Variants in PKHD1 observed in about 807,000 individuals in gnomAD.
The protein encoded by PKHD1 is PKHD1 ciliary IPT domain containing fibrocystin/polyductin.
A neutral mutation model predicts 412.0 loss-of-function variants in PKHD1; 291 were observed. That is an observed-to-expected ratio of 0.71 (90% CI 0.64 to 0.78). The LOEUF is 0.78. Among genes scored for constraint, PKHD1 ranks in the 30% least tolerant of loss-of-function variants. The pLI is 0.00. For missense variants in PKHD1, 4,825 were observed against 4,950.7 expected (o/e 0.97, Z 0.76); for synonymous variants, 1,777 against 1,821.5 (o/e 0.98, Z 0.62).
chr6:51,655,931 G>A (rs757498004), intron 61 of PKHD1, among the ~76,000 whole-genome samples: 14 of 152,106 alleles, frequency 9.2e-5, no homozygotes, highest in East Asian at 3.9e-4. Context: ...AGAGTGTGGC[G>A]ATTCCTCAAG....
At chr6:51,715,763 G>A (rs1004859399) in intron 60 of PKHD1, among the ~76,000 whole-genome samples, 6 of 152,172 alleles carry the variant, frequency 3.9e-5, no homozygotes, top group African/African-American at 1.2e-4. Flanking sequence ...GAATGTCACC[G>A]ACACTGATAC....
At chr6:51,707,403 T>C (rs185234258) in intron 60 of PKHD1, among the ~76,000 whole-genome samples, 74 of 152,280 alleles carry the variant, frequency 4.9e-4, no homozygotes, top group Non-Finnish European at 7.5e-4. Context: ...GCTGGCCTCA[T>C]TGGCAAACTC....
Position 51,743,982 on chromosome 6 carries a change from G to C in PKHD1, c.10156+403C>G, listed in dbSNP as rs76154386. ...TGACATCTACCCTACCATTGAGAGA[G>C]CGCTTTAAGTCCTGACAGAAAAGAA... On this transcript the variant is annotated intron_variant, in intron 60 of 66. Transcript: ENST00000371117. 3.7e-4 allele frequency among the ~76,000 whole-genome samples: 57 copies of C among 152,286 alleles called. 1 individual carries two copies. The highest frequency in any genetic ancestry group is 1.3e-3 in the African/African-American group (53 of 41,564).
intron 52 of PKHD1, among the ~76,000 whole-genome samples, chr6:51,814,179 G>A (rs1050085722): frequency 6.6e-6 from 1 of 152,168 alleles, no homozygotes; most frequent in African/African-American, 2.4e-5. Flanking sequence ...AGATGAATAA[G>A]TTAATTTTAG....
intron 60 of PKHD1, among the ~76,000 whole-genome samples, chr6:51,724,211 C>T (rs1451310612): frequency 2.0e-5 from 3 of 152,162 alleles, no homozygotes; most frequent in African/African-American, 7.2e-5. Flanking sequence ...ACTTTCTCCC[C>T]TCACCTTCTT....
chr6:51,885,882 A>G lies in PKHD1; in HGVS notation c.7200T>C (p.Ser2400=). The part of the protein sequence containing the change: ...TLFQSFTVWE[S]AGGAQIFRSS... ...AAAAGCTTACCTGGGCACCACCTGC[A>G]CTTTCCCAAACTGTGAAGCTCTGGA... Residue 2400 remains serine (S), a synonymous_variant, in exon 45 of 67, where the codon AGT becomes AGC. Transcript: ENST00000371117. 6.2e-7 allele frequency: 1 copy of G among 1,610,184 alleles called. No homozygotes were observed.
At chr6:51,893,406 G>T (rs888379626) in intron 43 of PKHD1, among the ~76,000 whole-genome samples, 1 of 152,106 alleles carries the variant, frequency 6.6e-6, no homozygotes, top group Admixed American at 6.5e-5. Flanking sequence ...CTTTCCAAGC[G>T]CATTTATAGG....
chr6:52,055,923 A>G (rs949738767), intron 18 of PKHD1, among the ~76,000 whole-genome samples, 194 bp from the exon 19 acceptor site: 1 of 152,208 alleles, frequency 6.6e-6, no homozygotes, highest in Non-Finnish European at 1.5e-5. Context: ...CTCCCCCAGC[A>G]TCCTTGGTTT....
intron 36 of PKHD1, among the ~76,000 whole-genome samples, chr6:51,936,079 G>A (rs1787431901): frequency 6.6e-6 from 1 of 152,108 alleles, no homozygotes; most frequent in Non-Finnish European, 1.5e-5. Context: ...CTTCCTGAGG[G>A]GAATTATCTG....
intron 34 of PKHD1, among the ~76,000 whole-genome samples, chr6:52,016,918 G>A (rs781071302): frequency 6.6e-6 from 1 of 152,026 alleles, no homozygotes; most frequent in Admixed American, 6.5e-5. Context: ...ATGCTTATAC[G>A]CTTATGGCTT....
chr6:51,819,946 G>A (rs1938654313), intron 52 of PKHD1, among the ~76,000 whole-genome samples: 1 of 152,128 alleles, frequency 6.6e-6, no homozygotes, highest in South Asian at 2.1e-4. Context: ...AAGAAATCCT[G>A]AGTAACATTG....
intron 52 of PKHD1, among the ~76,000 whole-genome samples, chr6:51,805,858 T>C (rs568054962): frequency 3.9e-4 from 59 of 152,324 alleles, no homozygotes; most frequent in African/African-American, 1.3e-3. Flanking sequence ...ATGGTGTATA[T>C]GTGCCACATT....
intron 5 of PKHD1, among the ~76,000 whole-genome samples, chr6:52,078,019 C>A (rs576888634): frequency 7.9e-5 from 12 of 152,236 alleles, no homozygotes; most frequent in African/African-American, 2.9e-4. Flanking sequence ...ACAACTGAGT[C>A]CAAACCAAAT....
At chr6:51,969,997 CTTT>C (rs1028736995) in intron 35 of PKHD1, among the ~76,000 whole-genome samples, 1 of 152,058 alleles carries the variant, frequency 6.6e-6, no homozygotes, top group African/African-American at 2.4e-5. Context: ...ATTTTTAGTT[CTTT>C]GAGAAATCAC....
At chr6:51,671,849 G>T (rs1775047358) in intron 60 of PKHD1, among the ~76,000 whole-genome samples, 1 of 152,148 alleles carries the variant, frequency 6.6e-6, no homozygotes, top group African/African-American at 2.4e-5. Flanking sequence ...TGCCTCCCAG[G>T]TAGGCTGCTC....
At chr6:51,784,010 T>C (rs958044009) in intron 53 of PKHD1, among the ~76,000 whole-genome samples, 5 of 152,190 alleles carry the variant, frequency 3.3e-5, no homozygotes, top group African/African-American at 1.2e-4. Context: ...CCCATTCACT[T>C]ATATATACAT....
At position 51,748,371 on chromosome 6, in the gene PKHD1, T is replaced by C. The variant is rs531461736; in HGVS notation, c.9245A>G (p.Lys3082Arg). 6.2e-7 allele frequency: 1 copy of C among 1,614,058 alleles called. No individual in the cohort carries two copies. The highest frequency in any genetic ancestry group is 1.7e-5 in the Admixed American group (1 of 59,992). The change falls in exon 58 of 67, where the codon AAA (lysine) becomes AGA (arginine). Residue 3082 changes from lysine (K) to arginine (R), a missense_variant. Transcript: ENST00000371117. ...AWSTIWVAGI[K>R]VNQVKDINLH... The stretch of plus-strand genomic sequence containing the variant: ...GTTGATGTCCTTTACCTGGTTCACT[T>C]TGATTCCCGCCACCCAAATGGTGGA...
chr6:52,085,506 C>T lies in PKHD1; in HGVS notation c.-84-489G>A, dbSNP rs548848943. Among the ~76,000 whole-genome samples the T allele has an allele frequency of 2.0e-5, 3 of 152,064 alleles. No homozygotes were observed. In the East Asian group the frequency reaches 5.8e-4, roughly 29 times the overall value. ...GGTCCCTTCCTGGATGCCCTCAACT[C>T]TCTCCGTGGCCTCAGGAGATCCTGG... On this transcript the variant is annotated intron_variant, in intron 1 of 66. Transcript: ENST00000371117.
intron 35 of PKHD1, among the ~76,000 whole-genome samples, chr6:51,963,081 T>C (rs879709139): frequency 7.2e-5 from 11 of 152,128 alleles, no homozygotes; most frequent in Non-Finnish European, 1.5e-4. Flanking sequence ...CACACACACA[T>C]CTCTTCCTAA....
Sources: allele counts gnomAD v4.1 joint callset (sites outside exome capture counted in the v4.1 genomes callset), GRCh38; gene constraint gnomAD v4.1.1; transcripts MANE v1.5; gene names NCBI Gene and HGNC (gene_info 2026-07-23, HGNC 2026-07-21).